MGAM: variants seen among roughly 807,000 people sequenced by gnomAD.
MGAM encodes maltase-glucoamylase, also known as alpha-1,4-glucosidase.
In MGAM, 253 loss-of-function variants were observed where a neutral mutation model predicts 358.8. The observed-to-expected ratio is 0.71, with a 90% confidence interval of 0.64 to 0.78. MGAM has a LOEUF of 0.78. Among genes scored for constraint, MGAM ranks in the 30% least tolerant of loss-of-function variants. MGAM has a pLI of 0.00. For synonymous variants in MGAM, 1,105 were observed against 1,227.1 expected (o/e 0.90, Z 2.08); for missense variants, 3,080 against 3,432.6 (o/e 0.90, Z 2.57).
chr7:142,094,942 A>G (rs1230766276), intron 63 of MGAM, 79 bp downstream of exon 63: 3 of 1,406,912 alleles, frequency 2.1e-6, no homozygotes, highest in Non-Finnish European at 2.9e-6. Context: ...TGCAGTCTGT[A>G]TTTCCTGTGA....
rs1444987254 is a variant in MGAM at position 142,038,654 on chromosome 7, T to C, written c.2316+39T>C. The C allele has an allele frequency of 7.0e-6, 10 of 1,433,258 alleles. No individual in the cohort carries two copies. The East Asian group carries it at 2.4e-4, about 34-fold the overall frequency. The allele number at this position is 1,433,258 out of a possible 1,614,324, so 88.8% of individuals were successfully genotyped here. A position where few individuals can be genotyped will look rare whatever the true frequency, so the allele number is the denominator to read the frequency against. Reference sequence around the variant, plus strand: ...CAGAGATACACTAGAGATCTCTGCATCTGTATCTGCTGCCCTGCAAACTCC... The same window carrying C: ...CAGAGATACACTAGAGATCTCTGCACCTGTATCTGCTGCCCTGCAAACTCC... On this transcript the variant is annotated intron_variant, in intron 19 of 70. Coordinates refer to ENST00000475668, the MANE Select transcript of MGAM (RefSeq NM_001365693.1).
At chr7:141,995,705 T>G (rs1554448487), upstream of MGAM, 1 of 152,240 alleles carries the variant, frequency 6.6e-6, no homozygotes, top group African/African-American at 2.4e-5. Context: ...CCAAAAGTCT[T>G]AAGGATGTCC....
At chr7:142,074,016 A>T in intron 44 of MGAM, 69 bp from the exon 45 acceptor site, 1 of 1,113,294 alleles carries the variant, frequency 9.0e-7, no homozygotes, top group Non-Finnish European at 1.3e-6. Context: ...ATTTGATGGA[A>T]ATATTCTCAG....
chr7:142,009,426 G>A (rs560064249), intron 3 of MGAM, among the ~76,000 whole-genome samples: 4 of 152,152 alleles, frequency 2.6e-5, no homozygotes, highest in East Asian at 1.9e-4. Context: ...TAGCTCAATT[G>A]AGCTGTACTC....
intron 70 of MGAM, 22 bp from the exon 71 acceptor site, chr7:142,105,792 C>T (rs373094353): frequency 1.9e-6 from 3 of 1,598,652 alleles, no homozygotes; most frequent in Non-Finnish European, 2.6e-6. Context: ...ATGCCCAATT[C>T]TTTTCCTTTG....
intron 26 of MGAM, 110 bp downstream of exon 26, chr7:142,053,094 T>G (rs1314215293): frequency 8.4e-7 from 1 of 1,190,062 alleles, no homozygotes; most frequent in Non-Finnish European, 1.2e-6. Flanking sequence ...TACAACAGAC[T>G]ATATCATTAT....
intron 34 of MGAM, among the ~76,000 whole-genome samples, chr7:142,061,012 T>C (rs28537610): frequency 0.12 from 17,976 of 152,046 alleles, 1,849 homozygotes; most frequent in East Asian, 0.37. Flanking sequence ...GGACCTGAAT[T>C]TTTTTCCCGA....
intron 10 of MGAM, chr7:142,030,153 G>T: frequency 1.9e-6 from 1 of 530,136 alleles, no homozygotes; most frequent in Non-Finnish European, 3.3e-6. Context: ...CTGATGGCAG[G>T]GAGGGGGCCA....
In MGAM at chr7:142,099,706, T is replaced by C. The variant is rs1481061198; in HGVS notation, c.7843T>C (p.Trp2615Arg). 1.9e-6 allele frequency: 3 copies of C among 1,613,886 alleles called. No individual in the cohort carries two copies. The African/African-American group carries it at 4.0e-5, about 22-fold the overall frequency. Residue 2615 changes from tryptophan (W) to arginine (R), a missense_variant, in exon 67 of 71, where the codon TGG becomes CGG. Around this residue, in one of 5 missense-constraint regions of MGAM, gnomAD observed 194 missense variants for 172.8 expected, o/e 1.12. Coordinates refer to ENST00000475668, the MANE Select transcript of MGAM (RefSeq NM_001365693.1). The stretch of plus-strand genomic sequence containing the variant: ...TGTCCGTGGGGGCTACATCCTGCCC[T>C]GGCAAGAGCCTGCACTGAACACCCA... ...LHVRGGYILPWQEPALNTHLS... is the reference protein window; with the variant it reads ...LHVRGGYILPRQEPALNTHLS...
intron 29 of MGAM, 79 bp from the exon 30 acceptor site, chr7:142,056,751 A>T: frequency 7.2e-7 from 1 of 1,384,160 alleles, no homozygotes; most frequent in South Asian, 1.3e-5. Context: ...GTGCAGGAAG[A>T]TGGAGAATGT....
At chr7:142,017,328 A>G (rs1563115127) in intron 3 of MGAM, among the ~76,000 whole-genome samples, 1 of 152,036 alleles carries the variant, frequency 6.6e-6, no homozygotes, top group Admixed American at 6.6e-5. Context: ...CCCTAATTCT[A>G]TTCATGCCAT....
At chr7:142,079,617 G>A (rs1054404316) in intron 49 of MGAM, among the ~76,000 whole-genome samples, 6 of 145,966 alleles carry the variant, frequency 4.1e-5, no homozygotes, top group Admixed American at 2.8e-4. Flanking sequence ...TAAAGACTAG[G>A]GATGGACTAG....
In MGAM at chr7:142,042,979, A is replaced by C. The variant is rs185127133; in HGVS notation, c.2498+2133A>C. On this transcript the variant is annotated intron_variant, in intron 21 of 70. Transcript: ENST00000475668. ...TACATATAATATCTAAATATAATAT[A>C]TATATTATATATACATATAATATCT... Among the ~76,000 whole-genome samples the C allele has an allele frequency of 9.2e-4, 68 of 73,958 alleles. 1 individual carries two copies. The highest frequency in any genetic ancestry group is 2.4e-3 in the African/African-American group (38 of 15,766). The allele number at this position is 73,958 out of a possible 152,430, so 48.5% of individuals were successfully genotyped here.
chr7:142,062,102 A>T (rs1206965610), intron 34 of MGAM, among the ~76,000 whole-genome samples: 1 of 152,186 alleles, frequency 6.6e-6, no homozygotes, highest in Non-Finnish European at 1.5e-5. Context: ...GTACTTGTCT[A>T]ATATCCAGAA....
intron 3 of MGAM, among the ~76,000 whole-genome samples, chr7:142,015,912 G>T (rs1486924164): frequency 2.6e-5 from 4 of 151,900 alleles, no homozygotes; most frequent in African/African-American, 9.7e-5. Flanking sequence ...TTTTTAAAAT[G>T]AGTTTTTTTT....
At chr7:142,101,801 G>T (rs1388247286) in intron 68 of MGAM, among the ~76,000 whole-genome samples, 2 of 151,960 alleles carry the variant, frequency 1.3e-5, no homozygotes, top group Admixed American at 6.6e-5. Context: ...CCAGCTACTT[G>T]GGAGGCTGAG....
intron 8 of MGAM, 59 bp from the exon 9 acceptor site, chr7:142,027,056 G>T: frequency 7.9e-7 from 1 of 1,259,450 alleles, no homozygotes; most frequent in Non-Finnish European, 1.2e-6. Context: ...TTTAAAACTT[G>T]TAGTTACTAT....
chr7:142,027,551 G>C, intron 9 of MGAM, 59 bp from the exon 10 acceptor site: 2 of 1,594,590 alleles, frequency 1.3e-6, no homozygotes, highest in East Asian at 2.2e-5. Context: ...GCAATGCTTC[G>C]AAAAATTTTT....
At chr7:142,057,062 G>A (rs1417672412) in intron 30 of MGAM, 120 bp downstream of exon 30, 4 of 874,272 alleles carry the variant, frequency 4.6e-6, no homozygotes, top group Non-Finnish European at 5.1e-6. Context: ...CTTGGAGAGA[G>A]ATTATAGAAT....
Sources: allele counts gnomAD v4.1 joint callset (sites outside exome capture counted in the v4.1 genomes callset), GRCh38; gene constraint gnomAD v4.1.1; regional missense constraint gnomAD v4.1.1; transcripts MANE v1.5; gene names NCBI Gene and HGNC (gene_info 2026-07-23, HGNC 2026-07-21).